The following SEC63 variants were observed in gnomAD, a reference collection of about 807,000 sequenced individuals.
The protein encoded by SEC63 is translocation protein SEC63 homolog.
A neutral mutation model predicts 116.2 loss-of-function variants in SEC63; 56 were observed. The observed-to-expected ratio is 0.48, with a 90% CI of 0.39 to 0.60. The LOEUF (loss-of-function observed/expected upper bound fraction) is 0.60. Ranked by LOEUF, SEC63 falls within the 20% of genes least tolerant of loss-of-function variation. SEC63 has a pLI of 0.00. For synonymous variants in SEC63, 273 were observed against 294.6 expected, an observed-to-expected ratio of 0.93 and a Z score of 0.75; for missense variants, 668 against 900.0, an observed-to-expected ratio of 0.74 and a Z score of 3.30.
Position 107,871,682 on chromosome 6 carries a change from T to A in SEC63, c.*22A>T, listed in dbSNP as rs1343346649. ...AAAAATTGCAAATATGTGCAAACAC[T>A]GTGGTCCATTCAGAGTACTGCTTAG... On this transcript the variant is annotated 3_prime_UTR_variant, in exon 21 of 21. Coordinates refer to ENST00000369002, the MANE Select transcript of SEC63 (RefSeq NM_007214.5). 6.2e-7 allele frequency: 1 copy of A among 1,611,384 alleles called. No homozygotes were observed. Among genetic ancestry groups the A allele is most frequent in the South Asian group, 1.1e-5 (1 of 90,980 alleles).
At chr6:107,957,844 G>A (rs753619272) in intron 1 of SEC63, 42 bp downstream of exon 1, 2 of 1,572,152 alleles carry the variant, frequency 1.3e-6, no homozygotes, top group South Asian at 2.3e-5. Flanking sequence ...GGGCGCTGGC[G>A]GGGCCTGCGC....
At chr6:107,924,954 G>C in intron 2 of SEC63, 22 bp from the exon 3 acceptor site, 1 of 1,338,130 alleles carries the variant, frequency 7.5e-7, no homozygotes, top group Non-Finnish European at 1.1e-6. Flanking sequence ...AAAGGTAAGT[G>C]AATCATAAAC....
chr6:107,881,071 A>G (rs1786403665), intron 18 of SEC63, 78 bp downstream of exon 18: 1 of 1,010,084 alleles, frequency 9.9e-7, no homozygotes, highest in African/African-American at 1.6e-5. Context: ...CACACGACAG[A>G]GGGCTAAAAG....
In SEC63 at chr6:107,953,209, G is replaced by A. The variant is rs148893797; in HGVS notation, c.124+4677C>T. ...CGGGAAGCAGAGGTTGCAGTGAGCCGAGATCACGCCACTGCACTTCAGCCT... is the reference window on the plus strand; with the variant it reads ...CGGGAAGCAGAGGTTGCAGTGAGCCAAGATCACGCCACTGCACTTCAGCCT... On this transcript the variant is annotated intron_variant, in intron 1 of 20. Coordinates refer to ENST00000369002, the MANE Select transcript of SEC63 (RefSeq NM_007214.5). 1.5e-3 allele frequency among the ~76,000 whole-genome samples: 221 copies of A among 152,286 alleles called. 1 individual carries two copies. Among genetic ancestry groups the A allele is most frequent in the Non-Finnish European group, 2.7e-3 (183 of 68,016 alleles).
chr6:107,903,054 T>G, intron 11 of SEC63, 56 bp from the exon 12 acceptor site: 1 of 1,580,186 alleles, frequency 6.3e-7, no homozygotes, highest in Non-Finnish European at 8.7e-7. Flanking sequence ...TGTTCAGGAG[T>G]ATACAATTCA....
In SEC63 at chr6:107,924,710, A is replaced by G. The variant is rs1045092771; in HGVS notation, c.339+108T>C. Reference sequence around the variant, plus strand: ...ACATCTTATTTTAATAAACAAACTGACCAAAGTCTGATTTCTATAGGAATA... The same window carrying G: ...ACATCTTATTTTAATAAACAAACTGGCCAAAGTCTGATTTCTATAGGAATA... On this transcript the variant is annotated intron_variant, in intron 3 of 20. Coordinates refer to ENST00000369002, the MANE Select transcript of SEC63 (RefSeq NM_007214.5). The G allele has an allele frequency of 5.9e-6, 4 of 677,914 alleles. No individual in the cohort carries two copies. In the African/African-American group the frequency reaches 7.2e-5, roughly 12 times the overall value. The allele number at this position is 677,914 out of a possible 1,614,324, so 42.0% of individuals were successfully genotyped here.
intron 7 of SEC63, among the ~76,000 whole-genome samples, chr6:107,910,626 T>A (rs1256685350): frequency 6.6e-6 from 1 of 152,132 alleles, no homozygotes; most frequent in African/African-American, 2.4e-5. Context: ...TATGCACGTG[T>A]CATGCATATA....
chr6:107,938,983 T>G (rs1246340869), intron 1 of SEC63, among the ~76,000 whole-genome samples: 2 of 152,188 alleles, frequency 1.3e-5, no homozygotes, highest in African/African-American at 4.8e-5. Flanking sequence ...ATCATAAAAG[T>G]TGAAAGAATA....
chr6:107,904,824 T>C (rs2114447238), intron 10 of SEC63, 103 bp from the exon 11 acceptor site: 1 of 865,776 alleles, frequency 1.2e-6, no homozygotes, highest in East Asian at 2.5e-5. Context: ...GCCACAAATA[T>C]TTCACATGAT....
intron 1 of SEC63, among the ~76,000 whole-genome samples, chr6:107,956,445 G>A (rs1770712710): frequency 6.6e-6 from 1 of 152,088 alleles, no homozygotes. Flanking sequence ...ACTGCCCAAA[G>A]AACCTACCCA....
intron 1 of SEC63, among the ~76,000 whole-genome samples, chr6:107,950,864 G>A (rs1054500206): frequency 1.3e-5 from 2 of 151,878 alleles, no homozygotes; most frequent in Non-Finnish European, 2.9e-5. Flanking sequence ...CATAACCTAC[G>A]GAAAGAATAA....
At chr6:107,914,305 A>G (rs1787351636) in intron 4 of SEC63, among the ~76,000 whole-genome samples, 1 of 152,146 alleles carries the variant, frequency 6.6e-6, no homozygotes, top group Non-Finnish European at 1.5e-5. Flanking sequence ...ACATTCTTGG[A>G]GACCAACTGG....
intron 16 of SEC63, among the ~76,000 whole-genome samples, chr6:107,888,941 A>C (rs543604561): frequency 2.4e-3 from 362 of 152,278 alleles, no homozygotes; most frequent in African/African-American, 8.1e-3. Flanking sequence ...GGATGAAGCC[A>C]ACTTGATCGT....
chr6:107,952,718 A>AT (rs1446655471), intron 1 of SEC63, among the ~76,000 whole-genome samples: 1 of 152,144 alleles, frequency 6.6e-6, no homozygotes, highest in Non-Finnish European at 1.5e-5. Flanking sequence ...AGATCTTGCT[A>AT]TTGCACTGGA....
rs1770452644 is a variant in SEC63, at chr6:107,945,077, T to C, written c.124+12809A>G. ...AGCCGGGCGTAGTGGCGGGCGCCTG[T>C]AGTCCCAGCTACTTGGGAGGCTGAG... On this transcript the variant is annotated intron_variant, in intron 1 of 20. Coordinates refer to ENST00000369002, the MANE Select transcript of SEC63 (RefSeq NM_007214.5). Among the ~76,000 whole-genome samples, 2 of 5,132 alleles carry C rather than the reference T, an allele frequency of 3.9e-4. 1 individual carries two copies. Among genetic ancestry groups the C allele is most frequent in the Non-Finnish European group, 7.6e-4 (2 of 2,630 alleles). The allele number at this position is 5,132 out of a possible 152,430, so 3.4% of individuals were successfully genotyped here.
intron 1 of SEC63, chr6:107,954,482 C>CAAAAAAAAAAAAAAAAAAAAATAAA (rs4028832): frequency 8.6e-6 from 1 of 116,868 alleles, no homozygotes; most frequent in Non-Finnish European, 1.6e-5. Flanking sequence ...AAAAAAAAAT[C>CAAAAAAAAAAAAAAAAAAAAATAAA]AAAAAAAAAA....
chr6:107,906,762 A>C lies in SEC63; in HGVS notation c.749T>G (p.Leu250Trp), dbSNP rs758803307. 1.2e-6 allele frequency: 2 copies of C among 1,613,396 alleles called. No homozygotes were observed. The highest frequency in any genetic ancestry group is 1.1e-5 in the South Asian group (1 of 91,062). ...AGGATCAAATTCAGAAGCTCCAGCCAAAACCATGATAAGACCTAACAAAAC... is the reference window on the plus strand; with the variant it reads ...AGGATCAAATTCAGAAGCTCCAGCCCAAACCATGATAAGACCTAACAAAAC... ...NMDMKRLIMV[L>W]AGASEFDPQY... The change falls in exon 9 of 21, where the codon TTG becomes TGG. Residue 250 changes from leucine (L) to tryptophan (W), a missense_variant. Around this residue, in one of 5 missense-constraint regions of SEC63, gnomAD observed 430 missense variants for 557.5 expected, o/e 0.77. Coordinates refer to ENST00000369002, the MANE Select transcript of SEC63 (RefSeq NM_007214.5).
chr6:107,922,365 G>A lies in SEC63; in HGVS notation c.340-456C>T, dbSNP rs191401440. Among the ~76,000 whole-genome samples the A allele has an allele frequency of 3.7e-4, 56 of 152,256 alleles. No individual in the cohort carries two copies. The East Asian group carries it at 8.1e-3, about 22-fold the overall frequency. ...TACTAAAAAATACAAAAATTAGCTC[G>A]TGTGGTGATGCACACCTGTAGTCCC... is the stretch of plus-strand genomic sequence containing the variant. On this transcript the variant is annotated intron_variant, in intron 3 of 20. Coordinates refer to ENST00000369002, the MANE Select transcript of SEC63 (RefSeq NM_007214.5).
At chr6:107,954,481 T>TAAAAAAAAAAAAAAAAAAAAA (rs1562345005) in intron 1 of SEC63, 2 of 14,004 alleles carry the variant, frequency 1.4e-4, no homozygotes, top group Admixed American at 9.9e-4. Flanking sequence ...AAAAAAAAAA[T>TAAAAAAAAAAAAAAAAAAAAA]CAAAAAAAAA....
Sources: gnomAD v4.1 joint callset for allele counts (sites outside exome capture counted in the v4.1 genomes callset) on GRCh38, gnomAD v4.1.1 for gene constraint, gnomAD v4.1.1 regional missense constraint, MANE v1.5 for transcripts, NCBI Gene and HGNC (gene_info 2026-07-23, HGNC 2026-07-21) for gene names.